DISC1: variants seen among roughly 807,000 people sequenced by gnomAD.
The protein encoded by DISC1 is disrupted in schizophrenia 1 protein.
In DISC1, 57 loss-of-function variants were observed where a neutral mutation model predicts 84.5. That is an observed-to-expected ratio of 0.67 (90% CI 0.55 to 0.84). DISC1 has a LOEUF of 0.84. Ranked by LOEUF, DISC1 falls within the 40% of genes least tolerant of loss-of-function variation. DISC1 has a pLI of 0.00. For synonymous variants in DISC1, 411 were observed against 415.2 expected, an observed-to-expected ratio of 0.99 and a Z score of 0.12; for missense variants, 1,000 against 1,057.8, an observed-to-expected ratio of 0.95 and a Z score of 0.76.
chr1:231,888,770 A>G (rs1026033751), intron 9 of DISC1, among the ~76,000 whole-genome samples: 2 of 136,114 alleles, frequency 1.5e-5, no homozygotes, highest in East Asian at 2.1e-4. Context: ...AAGAGTGTCC[A>G]CCCCAGTGCC....
intron 1 of DISC1, among the ~76,000 whole-genome samples, chr1:231,679,593 C>T (rs991893506): frequency 2.6e-5 from 4 of 152,158 alleles, no homozygotes; most frequent in Non-Finnish European, 4.4e-5. Flanking sequence ...AAAGCATCCC[C>T]AGAGACTTAT....
intron 4 of DISC1, among the ~76,000 whole-genome samples, chr1:231,762,261 T>TCGTTC (rs1553339343): frequency 7.2e-5 from 4 of 55,308 alleles, no homozygotes; most frequent in African/African-American, 3.2e-4. Flanking sequence ...TTCTTTATTT[T>TCGTTC]CTTTCCTTTC....
At chr1:231,945,847 G>A (rs1094397) in intron 9 of DISC1, among the ~76,000 whole-genome samples, 53,232 of 151,972 alleles carry the variant, frequency 0.35, 10,953 homozygotes, top group East Asian at 0.74. Flanking sequence ...CTATGCAAAT[G>A]AACTAGAAAA....
At chr1:231,669,576 C>A (rs186846786) in intron 1 of DISC1, among the ~76,000 whole-genome samples, 5 of 152,218 alleles carry the variant, frequency 3.3e-5, no homozygotes, top group African/African-American at 1.2e-4. Context: ...CATGAACAGA[C>A]ACTTTTCAAA....
At chr1:231,655,637 A>G (rs2060996190) in intron 1 of DISC1, among the ~76,000 whole-genome samples, 1 of 152,120 alleles carries the variant, frequency 6.6e-6, no homozygotes, top group African/African-American at 2.4e-5. Flanking sequence ...GCTGGATTGA[A>G]TGGTAGATCT....
rs553102724 is a variant in DISC1 at position 231,829,841 on chromosome 1, G to T, written c.1981+11324G>T. The stretch of plus-strand genomic sequence containing the variant: ...AGGTAAAGGAAAATTACAGTCAAAG[G>T]GGGGTTGTTCTCTGGCGGGCAGGAG... On this transcript the variant is annotated intron_variant, in intron 9 of 12. Transcript: ENST00000439617. 1.2e-4 allele frequency among the ~76,000 whole-genome samples: 18 copies of T among 151,594 alleles called. 1 individual carries two copies. In the East Asian group the frequency reaches 2.7e-3, roughly 23 times the overall value.
rs1264918724 is a variant in DISC1, at chr1:232,016,244, GT to G, written c.2307+7198del. On this transcript the variant is annotated intron_variant, in intron 11 of 12. Coordinates refer to ENST00000439617, the MANE Select transcript of DISC1 (RefSeq NM_018662.3). ...TTACTATAAAGTGAACATGGATGGA[GT>G]TTGGGATTTGATTCTGTCTTCATAG... is the stretch of plus-strand genomic sequence containing the variant. 3.9e-5 allele frequency among the ~76,000 whole-genome samples: 6 copies of G among 152,340 alleles called. No homozygotes were observed. The East Asian group carries it at 1.2e-3, about 29-fold the overall frequency.
intron 10 of DISC1, among the ~76,000 whole-genome samples, chr1:231,994,092 A>G (rs1373977731): frequency 6.6e-6 from 1 of 152,214 alleles, no homozygotes. Context: ...TGAAATAGAG[A>G]CCTGTCCTAA....
intron 1 of DISC1, among the ~76,000 whole-genome samples, chr1:231,641,452 G>A (rs959396013): frequency 7.2e-5 from 11 of 152,202 alleles, no homozygotes; most frequent in African/African-American, 2.7e-4. Context: ...GGCTTCAGGA[G>A]TGAAGCTGCA....
intron 9 of DISC1, among the ~76,000 whole-genome samples, chr1:231,874,791 A>T (rs1056536990): frequency 6.6e-5 from 10 of 151,672 alleles, no homozygotes; most frequent in African/African-American, 9.7e-5. Flanking sequence ...GGTGCCTGTA[A>T]TCCCAGCTAC....
At chr1:231,883,080 G>A (rs1404106268) in intron 9 of DISC1, among the ~76,000 whole-genome samples, 2 of 151,978 alleles carry the variant, frequency 1.3e-5, no homozygotes, top group Non-Finnish European at 2.9e-5. Flanking sequence ...TGAGACAGGC[G>A]CCCACTGCTG....
At chr1:231,771,403 A>C (rs562771667) in intron 6 of DISC1, 1 of 985,432 alleles carries the variant, frequency 1.0e-6, no homozygotes, top group African/African-American at 1.7e-5. Flanking sequence ...TCCTAATGCC[A>C]ACTTTTGCTG....
intron 12 of DISC1, among the ~76,000 whole-genome samples, chr1:232,027,793 C>CTGTGTGTGTGTGTGTG (rs35448234): frequency 9.1e-5 from 13 of 143,438 alleles, no homozygotes; most frequent in African/African-American, 1.5e-4. Context: ...ACTTTATGGG[C>CTGTGTGTGTGTGTGTG]TGTGTGTGTG....
At chr1:231,852,258 T>C (rs934583221) in intron 9 of DISC1, among the ~76,000 whole-genome samples, 1 of 152,228 alleles carries the variant, frequency 6.6e-6, no homozygotes, top group Non-Finnish European at 1.5e-5. Context: ...TTTCAGAATA[T>C]CTGAAGGTGA....
intron 9 of DISC1, among the ~76,000 whole-genome samples, chr1:231,893,368 A>G (rs2087412058): frequency 1.3e-5 from 2 of 152,208 alleles, no homozygotes; most frequent in African/African-American, 2.4e-5. Flanking sequence ...AAAGAGGACT[A>G]TCTTAGTTGA....
In DISC1 at chr1:232,031,322, A is replaced by G. The variant is rs1057239667; in HGVS notation, c.2425+4770A>G. Among the ~76,000 whole-genome samples the G allele has an allele frequency of 5.6e-5, 8 of 143,366 alleles. No individual in the cohort carries two copies. In the South Asian group the frequency reaches 1.7e-3, roughly 31 times the overall value. The allele number at this position is 143,366 out of a possible 152,430, so 94.1% of individuals were successfully genotyped here. The stretch of plus-strand genomic sequence containing the variant: ...AAGGAAGGAGAGAGGGAAGGAGAGA[A>G]AAGGAAAGGAAAAGGAAAAGAGGAA... On this transcript the variant is annotated intron_variant, in intron 12 of 12. Transcript: ENST00000439617. This position sits in a 1 kb window ranked among gnomAD's most constrained non-coding sequence, Gnocchi z 4.6.
intron 10 of DISC1, among the ~76,000 whole-genome samples, chr1:232,002,822 T>C (rs1202239833): frequency 3.3e-5 from 5 of 152,132 alleles, no homozygotes; most frequent in Admixed American, 1.3e-4. Flanking sequence ...ATTGAATTGT[T>C]CTGTATCTTG....
chr1:231,828,991 C>T (rs1231363390), intron 9 of DISC1, among the ~76,000 whole-genome samples: 1 of 152,218 alleles, frequency 6.6e-6, no homozygotes, highest in Admixed American at 6.5e-5. Flanking sequence ...TTATACACTT[C>T]TGTGTCCCTG....
chr1:231,764,808 C>T (rs1003287865), intron 4 of DISC1, among the ~76,000 whole-genome samples: 19 of 152,300 alleles, frequency 1.2e-4, no homozygotes, highest in African/African-American at 4.6e-4. Context: ...TCCCTACTCT[C>T]ACCAAAGACT....
Sources: gnomAD v4.1 joint callset for allele counts (sites outside exome capture counted in the v4.1 genomes callset) on GRCh38, gnomAD v4.1.1 for gene constraint, Gnocchi (gnomAD v3.1) non-coding constraint, MANE v1.5 for transcripts, NCBI Gene and HGNC (gene_info 2026-07-23, HGNC 2026-07-21) for gene names.